The following CLMN variants were observed in gnomAD, a reference collection of about 807,000 sequenced individuals.
CLMN encodes the protein calmin (calponin-like, transmembrane).
CLMN carries 57 observed loss-of-function variants against 92.7 expected under a neutral mutation model. The observed-to-expected ratio is 0.61, with a 90% CI of 0.50 to 0.77. The LOEUF is 0.77. CLMN is among the 30% of genes least tolerant of loss of function. CLMN has a pLI of 0.00. For synonymous variants in CLMN, 466 were observed against 470.6 expected (o/e 0.99, Z 0.13); for missense variants, 1,158 against 1,237.5 (o/e 0.94, Z 0.96).
chr14:95,314,180 C>T (rs1410435437), intron 1 of CLMN, among the ~76,000 whole-genome samples: 1 of 152,236 alleles, frequency 6.6e-6, no homozygotes, highest in Admixed American at 6.5e-5. Flanking sequence ...GAGTCCAGAG[C>T]CCCTTGTTTG....
chr14:95,312,896 G>A (rs997868413), intron 1 of CLMN, among the ~76,000 whole-genome samples: 1 of 152,154 alleles, frequency 6.6e-6, no homozygotes, highest in Non-Finnish European at 1.5e-5. Context: ...CACACACAGA[G>A]AGATACACAC....
At chr14:95,313,802 C>A (rs1484828439) in intron 1 of CLMN, among the ~76,000 whole-genome samples, 1 of 152,214 alleles carries the variant, frequency 6.6e-6, no homozygotes, top group Non-Finnish European at 1.5e-5. Flanking sequence ...GCTTGTCGGG[C>A]AGAGGGACTT....
chr14:95,246,746 C>T (rs577197333), intron 1 of CLMN, among the ~76,000 whole-genome samples: 10 of 152,202 alleles, frequency 6.6e-5, no homozygotes, highest in Non-Finnish European at 1.2e-4. Flanking sequence ...GAACTACAGG[C>T]GTGAGCCACG....
intron 1 of CLMN, 76 bp downstream of exon 1, chr14:95,319,635 A>C (rs1901956790): frequency 3.4e-5 from 39 of 1,139,188 alleles, no homozygotes; most frequent in Non-Finnish European, 4.8e-5. Context: ...GGCGCGGGGG[A>C]GTTGCCAAGT....
intron 1 of CLMN, among the ~76,000 whole-genome samples, chr14:95,283,299 G>C (rs996466200): frequency 6.6e-6 from 1 of 152,142 alleles, no homozygotes; most frequent in African/African-American, 2.4e-5. Flanking sequence ...ACGATGCTGA[G>C]GCCTCCCCAG....
At chr14:95,201,493 G>A (rs1014476080) in intron 9 of CLMN, among the ~76,000 whole-genome samples, 4 of 151,742 alleles carry the variant, frequency 2.6e-5, no homozygotes. Flanking sequence ...GGTCATGAAG[G>A]CTGACTCCAG....
At chr14:95,313,395 C>A (rs1171441809) in intron 1 of CLMN, among the ~76,000 whole-genome samples, 1 of 152,222 alleles carries the variant, frequency 6.6e-6, no homozygotes, top group Non-Finnish European at 1.5e-5. Context: ...CCTGCAAAAG[C>A]AGCTATAGGC....
chr14:95,284,876 G>A (rs529980278), intron 1 of CLMN, among the ~76,000 whole-genome samples: 4 of 152,256 alleles, frequency 2.6e-5, no homozygotes, highest in African/African-American at 9.6e-5. Flanking sequence ...GGGACTGTTG[G>A]GAAGGCATGA....
intron 1 of CLMN, among the ~76,000 whole-genome samples, chr14:95,258,626 G>T (rs1176161741): frequency 4.1e-5 from 6 of 148,008 alleles, no homozygotes; most frequent in Non-Finnish European, 6.0e-5. Context: ...AGGTGTGTAT[G>T]TGTGGTGTGT....
At chr14:95,286,389 T>C (rs916417148) in intron 1 of CLMN, among the ~76,000 whole-genome samples, 6 of 152,208 alleles carry the variant, frequency 3.9e-5, no homozygotes, top group Admixed American at 6.5e-5. Flanking sequence ...ACAGGTTACA[T>C]ATTATCTGCT....
At chr14:95,227,648 G>T (rs1897754348) in intron 2 of CLMN, among the ~76,000 whole-genome samples, 1 of 152,234 alleles carries the variant, frequency 6.6e-6, no homozygotes, top group Non-Finnish European at 1.5e-5. Context: ...CTTGGCCGGA[G>T]TCCATCCTGC....
At chr14:95,276,031 C>T (rs1244825596) in intron 1 of CLMN, among the ~76,000 whole-genome samples, 2 of 152,320 alleles carry the variant, frequency 1.3e-5, no homozygotes, top group Middle Eastern at 3.4e-3. Flanking sequence ...GTCTTTCTTG[C>T]GTGAGATCCA....
chr14:95,291,701 T>A (rs1262959513), intron 1 of CLMN, among the ~76,000 whole-genome samples: 2 of 152,106 alleles, frequency 1.3e-5, no homozygotes, highest in Admixed American at 1.3e-4. Flanking sequence ...CACATCTAGG[T>A]ATCTGTCCTC....
intron 1 of CLMN, among the ~76,000 whole-genome samples, chr14:95,250,478 T>C (rs1898737966): frequency 1.3e-5 from 2 of 152,238 alleles, no homozygotes; most frequent in Non-Finnish European, 2.9e-5. Flanking sequence ...CATTCTCTCA[T>C]GAAGCCAGAG....
chr14:95,274,387 C>G (rs984861041), intron 1 of CLMN, among the ~76,000 whole-genome samples: 2 of 152,142 alleles, frequency 1.3e-5, no homozygotes, highest in African/African-American at 2.4e-5. Flanking sequence ...ATTCTTATTA[C>G]CACCCCTGCC....
chr14:95,310,903 C>A (rs1271117745), intron 1 of CLMN, among the ~76,000 whole-genome samples: 1 of 152,182 alleles, frequency 6.6e-6, no homozygotes, highest in African/African-American at 2.4e-5. Context: ...GAGGTGGGGG[C>A]AGAGCACACA....
chr14:95,219,342 T>C (rs1897453359), intron 4 of CLMN, among the ~76,000 whole-genome samples: 1 of 152,128 alleles, frequency 6.6e-6, no homozygotes, highest in African/African-American at 2.4e-5. Context: ...GGAGGCTGTT[T>C]GAAGGCCCCA....
intron 1 of CLMN, among the ~76,000 whole-genome samples, chr14:95,253,447 C>T (rs529159958): frequency 4.0e-5 from 6 of 151,328 alleles, no homozygotes; most frequent in Non-Finnish European, 8.8e-5. Flanking sequence ...TCAGGAAGGA[C>T]GGCTCATTCA....
intron 4 of CLMN, among the ~76,000 whole-genome samples, chr14:95,221,395 G>A (rs977556841): frequency 2.0e-5 from 3 of 152,174 alleles, no homozygotes; most frequent in Non-Finnish European, 4.4e-5. Flanking sequence ...AGGAGAAAAC[G>A]TGAACTGAAT....
Sources: allele counts gnomAD v4.1 joint callset (sites outside exome capture counted in the v4.1 genomes callset), GRCh38; gene constraint gnomAD v4.1.1; transcripts MANE v1.5; gene names NCBI Gene and HGNC (gene_info 2026-07-23, HGNC 2026-07-21).